ACOT2: variants seen among roughly 807,000 people sequenced by gnomAD.
The protein encoded by ACOT2 is acyl-CoA thioesterase 2.
Under a neutral mutation model 20.1 loss-of-function variants are expected in ACOT2, and 15 were observed. The observed-to-expected ratio is 0.75, with a 90% CI of 0.50 to 1.15. ACOT2 has a LOEUF of 1.15. Among genes scored for constraint, ACOT2 ranks in the 50% most tolerant of loss-of-function variants. The probability of loss-of-function intolerance (pLI) is 0.00; values close to 1 mark genes in which losing one functional copy is unlikely to be tolerated. For missense variants in ACOT2, 479 were observed against 615.3 expected, an observed-to-expected ratio of 0.78 and a Z score of 2.34; for synonymous variants, 252 against 268.4, an observed-to-expected ratio of 0.94 and a Z score of 0.60.
At chr14:73,568,727 A>T (rs1488224350), upstream of ACOT2, among the ~76,000 whole-genome samples, 3 of 151,998 alleles carry the variant, frequency 2.0e-5, no homozygotes, top group Non-Finnish European at 4.4e-5. Context: ...AGAAATTACT[A>T]CCTATTACCC....
chr14:73,571,107 G>C (rs1889735263), intron 1 of ACOT2: 1 of 151,796 alleles, frequency 6.6e-6, no homozygotes, highest in African/African-American at 2.4e-5. Context: ...CATTGCTCCA[G>C]CTGCAGCTGC....
chr14:73,569,896 CGCT>C lies in ACOT2; in HGVS notation c.643+14_643+16del. On this transcript the variant is annotated intron_variant, in intron 1 of 2. Coordinates refer to ENST00000238651, the MANE Select transcript of ACOT2 (RefSeq NM_006821.6). ...TTCCTGCCGCCAGGTGACTCACCTC[CGCT>C]AATTGTTCCGTGTTCGTTCGCCTTT... 6.3e-7 allele frequency: 1 copy of C among 1,599,940 alleles called. No individual in the cohort carries two copies. Among genetic ancestry groups the C allele is most frequent in the Non-Finnish European group, 8.5e-7 (1 of 1,174,292 alleles).
At chr14:73,572,913 T>C (rs1478836468) in intron 1 of ACOT2, among the ~76,000 whole-genome samples, 2 of 150,976 alleles carry the variant, frequency 1.3e-5, no homozygotes, top group Non-Finnish European at 2.9e-5. Context: ...CCCAAAGTGC[T>C]GGGGTTACAG....
At chr14:73,571,161 C>A (rs1394046931) in intron 1 of ACOT2, 1 of 151,754 alleles carries the variant, frequency 6.6e-6, no homozygotes, top group Non-Finnish European at 1.5e-5. Context: ...TAGCTCCCCG[C>A]TGGCTGGCTA....
rs1240374609 is a variant in ACOT2 at position 73,569,962 on chromosome 14, A to T, written c.643+79A>T. On this transcript the variant is annotated intron_variant, in intron 1 of 2. Coordinates refer to ENST00000238651, the MANE Select transcript of ACOT2 (RefSeq NM_006821.6). ...CTCCCCCGCCCCACGCTTTTCGCTT[A>T]TGTGTATGCCCCCCCGCCGCGCCCC... The T allele has an allele frequency of 1.3e-6, 2 of 1,489,238 alleles. 1 individual carries two copies. The highest frequency in any genetic ancestry group is 1.8e-6 in the Non-Finnish European group (2 of 1,121,958). The allele number at this position is 1,489,238 out of a possible 1,614,324, so 92.3% of individuals were successfully genotyped here. A position where few individuals can be genotyped will look rare whatever the true frequency, so the allele number is the denominator to read the frequency against.
At chr14:73,572,100 T>A (rs1449601262) in intron 1 of ACOT2, among the ~76,000 whole-genome samples, 2 of 144,134 alleles carry the variant, frequency 1.4e-5, no homozygotes, top group African/African-American at 5.2e-5. Context: ...GGGCAACAAT[T>A]TGTCTTAACT....
At position 73,569,327 on chromosome 14, in the gene ACOT2, A is replaced by G. The variant is rs1889659613; in HGVS notation, c.87A>G (p.Arg29=). 1 of 1,613,906 alleles carries G rather than the reference A, an allele frequency of 6.2e-7. No individual in the cohort carries two copies. The highest frequency in any genetic ancestry group is 8.5e-7 in the Non-Finnish European group (1 of 1,179,786). Residue 29 remains arginine, a synonymous_variant, in exon 1 of 3, where the codon CGA becomes CGG. Coordinates refer to ENST00000238651, the MANE Select transcript of ACOT2 (RefSeq NM_006821.6). ...TGGCCTCATCTCCTGCTGTCCTTCGAGCGTCCCGGCTGTACCAATGGAGCC... is the reference window on the plus strand; with the variant it reads ...TGGCCTCATCTCCTGCTGTCCTTCGGGCGTCCCGGCTGTACCAATGGAGCC... ...FKMASSPAVL[R]ASRLYQWSLK... is the part of the protein sequence containing the mutation.
At chr14:73,568,090 G>A (rs1423877111), upstream of ACOT2, 2 of 152,174 alleles carry the variant, frequency 1.3e-5, no homozygotes, top group East Asian at 1.9e-4. Context: ...TACTTCCTGA[G>A]AGTTCTAGGC....
chr14:73,573,562 C>T lies in ACOT2; in HGVS notation c.818C>T (p.Ala273Val). 1 of 1,613,654 alleles carries T rather than the reference C, an allele frequency of 6.2e-7. No individual in the cohort carries two copies. Reference protein sequence around the residue: ...ETLHLEYFEEAMNYLLSHPEV... With the variant: ...ETLHLEYFEEVMNYLLSHPEV... ...CTCCATCTGGAGTACTTTGAAGAAG[C>T]CATGAACTACTTGCTCAGTCATCCC... The change falls in exon 2 of 3, where the codon GCC becomes GTC. Residue 273 changes from alanine (A) to valine (V), a missense_variant. Transcript: ENST00000238651.
intron 1 of ACOT2, among the ~76,000 whole-genome samples, chr14:73,570,966 T>G (rs949814863): frequency 1.0e-4 from 14 of 139,622 alleles, no homozygotes; most frequent in Non-Finnish European, 2.0e-4. Context: ...ATGTATTGAC[T>G]AGGAAGCCAC....
upstream of ACOT2, chr14:73,569,138 T>C (rs1595168118): frequency 6.7e-6 from 9 of 1,345,386 alleles, no homozygotes; most frequent in East Asian, 1.8e-4. Context: ...CCAGTGTGTC[T>C]ATATTTGGTC....
At chr14:73,568,939 T>G, upstream of ACOT2, 1 of 441,876 alleles carries the variant, frequency 2.3e-6, no homozygotes, top group Non-Finnish European at 4.1e-6. Flanking sequence ...TGATCAAAAC[T>G]AACTCCAGCT....
upstream of ACOT2, chr14:73,569,133 G>A (rs1889653791): frequency 3.1e-6 from 4 of 1,285,684 alleles, no homozygotes; most frequent in East Asian, 9.3e-5. Flanking sequence ...AAGTTCCAGT[G>A]TGTCTATATT....
At chr14:73,570,766 G>C (rs1451974084) in intron 1 of ACOT2, among the ~76,000 whole-genome samples, 2 of 151,340 alleles carry the variant, frequency 1.3e-5, no homozygotes, top group African/African-American at 4.9e-5. Context: ...TTAGCCAGGC[G>C]TGGTGGTGCA....
chr14:73,569,503 T>C lies in ACOT2; in HGVS notation c.263T>C (p.Leu88Pro), dbSNP rs774249499. Residue 88 changes from leucine (L) to proline (P), a missense_variant, in exon 1 of 3, where the codon CTA (leucine) becomes CCA (proline). Leu to Pro is a moderately conservative substitution (Grantham distance 98). Coordinates refer to ENST00000238651, the MANE Select transcript of ACOT2 (RefSeq NM_006821.6). ...CCGGTGCGAATCGCCGTGCGCGGCCTAGCCCCGGAGCAGCCGGTCACGCTG... is the reference window on the plus strand; with the variant it reads ...CCGGTGCGAATCGCCGTGCGCGGCCCAGCCCCGGAGCAGCCGGTCACGCTG... ...DEPVRIAVRG[L>P]APEQPVTLRA... is the part of the protein sequence containing the mutation. 53 of 1,610,862 alleles carry C rather than the reference T, an allele frequency of 3.3e-5. 2 individuals are homozygous for C. In the Admixed American group the frequency reaches 7.7e-4, roughly 23 times the overall value.
chr14:73,568,942 C>A, upstream of ACOT2: 1 of 454,076 alleles, frequency 2.2e-6, no homozygotes, highest in Middle Eastern at 5.9e-4. Flanking sequence ...TCAAAACTAA[C>A]TCCAGCTCTG....
At position 73,570,990 on chromosome 14, in the gene ACOT2, T is replaced by A. The variant is rs1290722457; in HGVS notation, c.643+1107T>A. 8.1e-5 allele frequency among the ~76,000 whole-genome samples: 12 copies of A among 147,356 alleles called. 1 individual carries two copies. Among genetic ancestry groups the A allele is most frequent in the South Asian group, 2.1e-4 (1 of 4,686 alleles). ...CTAGGAAGCCACTTTTTTTTTTTTTTAAATAAGAATTCCGACTGGTTTTCT... is the reference window on the plus strand; with the variant it reads ...CTAGGAAGCCACTTTTTTTTTTTTTAAAATAAGAATTCCGACTGGTTTTCT... On this transcript the variant is annotated intron_variant, in intron 1 of 2. Coordinates refer to ENST00000238651, the MANE Select transcript of ACOT2 (RefSeq NM_006821.6).
At position 73,574,893 on chromosome 14, in the gene ACOT2, T is replaced by C. The variant is rs1426391423; in HGVS notation, c.847-15T>C. On this transcript the variant is annotated splice_polypyrimidine_tract_variant and intron_variant, in intron 2 of 2. Transcript: ENST00000238651. ...TGGAATCATTCTTCTTCTTTTTCCT[T>C]TGTCCCTTTCTCAGGTAAAAGGTCC... 1.2e-6 allele frequency: 2 copies of C among 1,613,242 alleles called. No individual in the cohort carries two copies. The highest frequency in any genetic ancestry group is 1.1e-5 in the South Asian group (1 of 91,032).
rs1345270699 is a variant in ACOT2 at position 73,569,351 on chromosome 14, C to A, written c.111C>A (p.Ser37Arg). ...GAGCGTCCCGGCTGTACCAATGGAG[C>A]CTGAAGAGTTCGGCGCAGTTCCTGG... The part of the protein sequence containing the change: ...VLRASRLYQW[S>R]LKSSAQFLGS... The change falls in exon 1 of 3, where the codon AGC (serine) becomes AGA (arginine). Residue 37 changes from serine (S) to arginine (R), a missense_variant. Coordinates refer to ENST00000238651, the MANE Select transcript of ACOT2 (RefSeq NM_006821.6). The A allele has an allele frequency of 2.5e-6, 4 of 1,613,864 alleles. 1 individual carries two copies. Among genetic ancestry groups the A allele is most frequent in the Non-Finnish European group, 3.4e-6 (4 of 1,179,818 alleles).
Sources: allele counts gnomAD v4.1 joint callset (sites outside exome capture counted in the v4.1 genomes callset), GRCh38; gene constraint gnomAD v4.1.1; transcripts MANE v1.5; gene names NCBI Gene and HGNC (gene_info 2026-07-23, HGNC 2026-07-21).